Variants in RANBP2 observed in about 807,000 individuals in gnomAD.
RANBP2 encodes the protein E3 SUMO-protein ligase RanBP2.
Under a neutral mutation model 303.6 loss-of-function variants are expected in RANBP2, and 57 were observed. The ratio of observed to expected loss-of-function variants is 0.19; its 90% CI spans 0.15 to 0.23. RANBP2 has a LOEUF of 0.23. Ranked by LOEUF, RANBP2 falls within the 10% of genes least tolerant of loss-of-function variation. The pLI, the probability that RANBP2 is intolerant of heterozygous loss-of-function variation, is 1.00. For synonymous variants in RANBP2, 1,167 were observed against 1,301.5 expected (o/e 0.90, Z 2.23); for missense variants, 3,138 against 3,780.8 (o/e 0.83, Z 4.46).
the RANBP2 span, among the ~76,000 whole-genome samples, chr2:109,138,026 C>CT: frequency 9.7e-3 from 1,466 of 151,694 alleles, 36 homozygotes; most frequent in African/African-American, 0.033. Context: ...ATCAAAATTT[C>CT]TTTTTTTTTG....
chr2:109,540,653 C>T, the RANBP2 span, among the ~76,000 whole-genome samples: 6 of 146,496 alleles, frequency 4.1e-5, no homozygotes, highest in Non-Finnish European at 8.9e-5. Flanking sequence ...TCTGTCTCTA[C>T]CAAAAAAGGA....
the RANBP2 span, among the ~76,000 whole-genome samples, chr2:109,381,560 C>T: frequency 2.6e-4 from 40 of 152,144 alleles, no homozygotes; most frequent in African/African-American, 8.2e-4. Context: ...TCCAGTCCCC[C>T]GGGCTTCCAT....
chr2:109,684,976 C>T, the RANBP2 span, among the ~76,000 whole-genome samples: 6 of 151,632 alleles, frequency 4.0e-5, no homozygotes, highest in Admixed American at 2.0e-4. Flanking sequence ...CAAGTTCCAG[C>T]GATTCTCCAG....
At chr2:109,022,352 G>A in the RANBP2 span, among the ~76,000 whole-genome samples, 10 of 152,260 alleles carry the variant, frequency 6.6e-5, no homozygotes, top group African/African-American at 2.2e-4. Context: ...GGGGAGCAGT[G>A]TTACTGTCCT....
At chr2:108,912,866 T>TCA in the RANBP2 span, 1 of 971,214 alleles carries the variant, frequency 1.0e-6, no homozygotes, top group Non-Finnish European at 1.6e-6. Context: ...TGAATGGGCC[T>TCA]GAGGCAGTGA....
chr2:109,013,236 C>G, the RANBP2 span, among the ~76,000 whole-genome samples: 1 of 152,200 alleles, frequency 6.6e-6, no homozygotes, highest in Non-Finnish European at 1.5e-5. Flanking sequence ...CTTCCTTCGG[C>G]GCTTGATATC....
At chr2:108,873,655 G>A in the RANBP2 span, 1 of 1,155,882 alleles carries the variant, frequency 8.7e-7, no homozygotes, top group East Asian at 2.6e-5. Context: ...TTAAACCAGG[G>A]GTTTTAATCT....
the RANBP2 span, among the ~76,000 whole-genome samples, chr2:109,554,884 G>T: frequency 6.6e-6 from 1 of 152,116 alleles, no homozygotes; most frequent in Non-Finnish European, 1.5e-5. Flanking sequence ...ACTGTATGTA[G>T]AAACTTGGAA....
the RANBP2 span, among the ~76,000 whole-genome samples, chr2:109,750,698 T>TATA: frequency 0.69 from 68,973 of 100,200 alleles, 28,347 homozygotes; most frequent in Non-Finnish European, 0.85. Flanking sequence ...GAATCACTAC[T>TATA]ATAATAATAA....
the RANBP2 span, among the ~76,000 whole-genome samples, chr2:109,115,088 G>A: frequency 2.0e-5 from 3 of 152,170 alleles, no homozygotes; most frequent in Admixed American, 6.5e-5. Flanking sequence ...GTGGTGTGGT[G>A]CTGGAAAAAA....
In RANBP2 at chr2:108,779,513, T is replaced by G. The variant is rs1678098183; in HGVS notation, c.8600-1756T>G. On this transcript the variant is annotated intron_variant, in intron 25 of 28. Coordinates refer to ENST00000283195, the MANE Select transcript of RANBP2 (RefSeq NM_006267.5). ...TTTTTTCCCCTCCATTAAATCTGTC[T>G]GAAAGAGAGTTGATTTTTTATTGTG... Among the ~76,000 whole-genome samples the G allele has an allele frequency of 3.9e-5, 6 of 152,264 alleles. No individual in the cohort carries two copies. In the South Asian group the frequency reaches 1.2e-3, roughly 32 times the overall value.
chr2:109,439,431 A>G, the RANBP2 span, among the ~76,000 whole-genome samples: 3 of 152,072 alleles, frequency 2.0e-5, no homozygotes, highest in Non-Finnish European at 2.9e-5. Context: ...TTAGAGAGAG[A>G]AAAAACACTG....
At chr2:108,890,232 C>CTTTTTTTTTT in the RANBP2 span, among the ~76,000 whole-genome samples, 1 of 114,698 alleles carries the variant, frequency 8.7e-6, no homozygotes, top group African/African-American at 3.5e-5. Context: ...ATGGGGTTTT[C>CTTTTTTTTTT]TTTTTTTTTT....
the RANBP2 span, among the ~76,000 whole-genome samples, chr2:108,915,884 C>T: frequency 4.0e-5 from 6 of 150,686 alleles, no homozygotes; most frequent in Admixed American, 1.3e-4. Context: ...GCAACAAGAG[C>T]GAAACTCCAT....
chr2:109,515,613 A>G, the RANBP2 span, among the ~76,000 whole-genome samples: 1 of 152,096 alleles, frequency 6.6e-6, no homozygotes, highest in Non-Finnish European at 1.5e-5. Flanking sequence ...GGCTACAGAG[A>G]CGCTTCTTCC....
At chr2:109,115,160 G>A in the RANBP2 span, among the ~76,000 whole-genome samples, 4 of 152,198 alleles carry the variant, frequency 2.6e-5, no homozygotes, top group African/African-American at 7.2e-5. Flanking sequence ...TTGGTGCAGA[G>A]CTGAGTTCAA....
chr2:109,497,914 C>G, the RANBP2 span, among the ~76,000 whole-genome samples: 1 of 152,314 alleles, frequency 6.6e-6, no homozygotes, highest in East Asian at 1.9e-4. Flanking sequence ...CCTTTCTTTC[C>G]TTGGGGAAGA....
the RANBP2 span, among the ~76,000 whole-genome samples, chr2:109,106,264 G>A: frequency 6.6e-6 from 1 of 152,096 alleles, no homozygotes; most frequent in African/African-American, 2.4e-5. Flanking sequence ...CCTTCAGGAG[G>A]CAAGAATCGA....
chr2:109,016,242 C>G, the RANBP2 span, among the ~76,000 whole-genome samples: 25 of 151,802 alleles, frequency 1.6e-4, no homozygotes, highest in Middle Eastern at 6.8e-3. Context: ...CCACCACGCC[C>G]GGCTAATTTT....
Sources: allele counts gnomAD v4.1 joint callset (sites outside exome capture counted in the v4.1 genomes callset), GRCh38; gene constraint gnomAD v4.1.1; transcripts MANE v1.5; gene names NCBI Gene and HGNC (gene_info 2026-07-23, HGNC 2026-07-21).